GNAZ: variants seen among roughly 807,000 people sequenced by gnomAD.
GNAZ encodes G protein subunit alpha z.
GNAZ carries 3 observed loss-of-function variants against 25.4 expected under a neutral mutation model. The observed-to-expected ratio is 0.12, with a 90% confidence interval of 0.05 to 0.30. GNAZ has a LOEUF of 0.30. Among genes scored for constraint, GNAZ ranks in the 10% least tolerant of loss-of-function variants. GNAZ has a pLI of 1.00. For missense variants in GNAZ, 241 were observed against 501.8 expected, an observed-to-expected ratio of 0.48 and a Z score of 4.97; for synonymous variants, 211 against 205.7, an observed-to-expected ratio of 1.03 and a Z score of -0.22.
chr22:23,101,827 A>G (rs546320512), intron 2 of GNAZ, among the ~76,000 whole-genome samples: 2 of 152,280 alleles, frequency 1.3e-5, no homozygotes, highest in African/African-American at 4.8e-5. Context: ...GAGGCTCCAC[A>G]GGGGTGGGAG....
intron 2 of GNAZ, among the ~76,000 whole-genome samples, chr22:23,099,561 C>T (rs530929735): frequency 1.1e-4 from 17 of 152,218 alleles, no homozygotes; most frequent in Admixed American, 1.1e-3. Context: ...TGTCACAGAT[C>T]GAGGCACTGA....
intron 2 of GNAZ, among the ~76,000 whole-genome samples, chr22:23,115,519 G>A (rs1045431143): frequency 1.3e-5 from 2 of 152,184 alleles, no homozygotes; most frequent in Non-Finnish European, 2.9e-5. Flanking sequence ...CCTGGAGGGG[G>A]TCTCGGGTTG....
chr22:23,091,098 A>G (rs1231171352), intron 1 of GNAZ, among the ~76,000 whole-genome samples: 1 of 152,170 alleles, frequency 6.6e-6, no homozygotes, highest in Non-Finnish European at 1.5e-5. Context: ...ACCAGTACAC[A>G]TGCAGCTGCA....
chr22:23,118,113 A>G (rs932514329), intron 2 of GNAZ, among the ~76,000 whole-genome samples: 2 of 152,176 alleles, frequency 1.3e-5, no homozygotes, highest in Non-Finnish European at 2.9e-5. Context: ...AGTCCCTTCC[A>G]CAATGGCAAG....
chr22:23,080,642 G>T (rs1324716887), intron 1 of GNAZ, among the ~76,000 whole-genome samples: 2 of 152,204 alleles, frequency 1.3e-5, no homozygotes, highest in African/African-American at 4.8e-5. Context: ...CAACCCAGTG[G>T]CCTGGGCCCT....
At chr22:23,087,038 G>A (rs1485228611) in intron 1 of GNAZ, among the ~76,000 whole-genome samples, 1 of 152,194 alleles carries the variant, frequency 6.6e-6, no homozygotes, top group African/African-American at 2.4e-5. Flanking sequence ...TTCCTCATTC[G>A]GCGAGGAGGA....
intron 1 of GNAZ, among the ~76,000 whole-genome samples, chr22:23,082,455 G>A (rs1265764169): frequency 2.0e-5 from 3 of 149,674 alleles, no homozygotes; most frequent in Admixed American, 1.3e-4. Context: ...AACTGACTTC[G>A]TGATCCACCT....
At position 23,111,810 on chromosome 22, in the gene GNAZ, T is replaced by A. The variant is rs542935130; in HGVS notation, c.724-11277T>A. Among the ~76,000 whole-genome samples, 133 of 152,240 alleles carry A rather than the reference T, an allele frequency of 8.7e-4. 1 individual carries two copies. The highest frequency in any genetic ancestry group is 3.1e-3 in the African/African-American group (130 of 41,552). ...CAAGCCCCTTTGGACTTAACCCTGT[T>A]TGTGACAGCCCTGGTCCCTGACAGT... On this transcript the variant is annotated intron_variant, in intron 2 of 2. Transcript: ENST00000615612.
chr22:23,071,148 G>A lies in GNAZ; in HGVS notation c.-450+578G>A, dbSNP rs534213619. On this transcript the variant is annotated intron_variant, in intron 1 of 2. Coordinates refer to ENST00000615612, the MANE Select transcript of GNAZ (RefSeq NM_002073.4). This position sits in a 1 kb window ranked among gnomAD's most constrained non-coding sequence, Gnocchi z 4.1. ...CACAGGCATTTAGAGGAAGAGATGA[G>A]TATCGACCTGCTGCGATTGTAATAC... is the stretch of plus-strand genomic sequence containing the variant. Among the ~76,000 whole-genome samples, 2 of 152,316 alleles carry A rather than the reference G, an allele frequency of 1.3e-5. No homozygotes were observed. The highest frequency in any genetic ancestry group is 4.1e-4 in the South Asian group (2 of 4,826).
chr22:23,113,880 A>C (rs1569183232), intron 2 of GNAZ, among the ~76,000 whole-genome samples: 1 of 152,236 alleles, frequency 6.6e-6, no homozygotes, highest in Non-Finnish European at 1.5e-5. Flanking sequence ...AGCCAAGGGC[A>C]GGCACCCGCT....
chr22:23,113,060 C>T (rs1040604933), intron 2 of GNAZ, among the ~76,000 whole-genome samples: 9 of 151,396 alleles, frequency 5.9e-5, no homozygotes, highest in Non-Finnish European at 1.3e-4. Context: ...TGGAACCTCA[C>T]AGGGCTCACC....
intron 2 of GNAZ, among the ~76,000 whole-genome samples, chr22:23,116,746 A>G (rs1432069703): frequency 6.6e-6 from 1 of 152,140 alleles, no homozygotes; most frequent in African/African-American, 2.4e-5. Context: ...GCTGCCTTGG[A>G]TGTCATTAGC....
chr22:23,111,580 T>C (rs1034643222), intron 2 of GNAZ, among the ~76,000 whole-genome samples: 2 of 152,242 alleles, frequency 1.3e-5, no homozygotes, highest in Admixed American at 6.5e-5. Flanking sequence ...CCAAGGTCAC[T>C]TTAGTAGAAC....
chr22:23,102,389 T>G (rs375427226), intron 2 of GNAZ, among the ~76,000 whole-genome samples: 2 of 152,194 alleles, frequency 1.3e-5, no homozygotes, highest in South Asian at 4.1e-4. Context: ...TTGGGTTAGC[T>G]CCTTCCTTCC....
chr22:23,078,854 C>T (rs927723008), intron 1 of GNAZ, among the ~76,000 whole-genome samples: 6 of 152,192 alleles, frequency 3.9e-5, no homozygotes, highest in East Asian at 1.9e-4. Context: ...TCCTGGCTCC[C>T]GGGCCTGAGG....
intron 2 of GNAZ, among the ~76,000 whole-genome samples, chr22:23,119,129 G>A (rs1013653536): frequency 6.6e-6 from 1 of 152,204 alleles, no homozygotes; most frequent in African/African-American, 2.4e-5. Context: ...GTTTTCAGTG[G>A]TGGTGATTTG....
At chr22:23,079,223 G>C (rs772738516) in intron 1 of GNAZ, among the ~76,000 whole-genome samples, 1 of 152,250 alleles carries the variant, frequency 6.6e-6, no homozygotes, top group Non-Finnish European at 1.5e-5. Context: ...GGCAGCACAC[G>C]TGGTGTGGCT....
At chr22:23,097,482 C>T (rs1225509656) in intron 2 of GNAZ, among the ~76,000 whole-genome samples, 4 of 152,212 alleles carry the variant, frequency 2.6e-5, no homozygotes, top group Non-Finnish European at 4.4e-5. Context: ...GCTGGGGAGG[C>T]GGGCTTGCCT....
intron 2 of GNAZ, among the ~76,000 whole-genome samples, chr22:23,120,085 A>G (rs2069969900): frequency 6.6e-6 from 1 of 152,184 alleles, no homozygotes; most frequent in Non-Finnish European, 1.5e-5. Context: ...CGGAATCCTG[A>G]TAAGAGTGTA....
Sources: gnomAD v4.1 joint callset for allele counts (sites outside exome capture counted in the v4.1 genomes callset) on GRCh38, gnomAD v4.1.1 for gene constraint, Gnocchi (gnomAD v3.1) non-coding constraint, MANE v1.5 for transcripts, NCBI Gene and HGNC (gene_info 2026-07-23, HGNC 2026-07-21) for gene names.